PRUNE1: variants seen among roughly 807,000 people sequenced by gnomAD.
PRUNE1 encodes prune exopolyphosphatase 1.
Under a neutral mutation model 42.5 loss-of-function variants are expected in PRUNE1, and 25 were observed. That is an observed-to-expected ratio of 0.59 (90% CI 0.43 to 0.82). PRUNE1 has a LOEUF of 0.82. Ranked by LOEUF, PRUNE1 falls within the 40% of genes least tolerant of loss-of-function variation. The pLI, the probability that PRUNE1 is intolerant of heterozygous loss-of-function variation, is 0.00. For missense variants in PRUNE1, 443 were observed against 539.3 expected (o/e 0.82, Z 1.77); for synonymous variants, 203 against 217.1 (o/e 0.93, Z 0.57).
chr1:151,031,484 G>T (rs1333162877), intron 7 of PRUNE1, among the ~76,000 whole-genome samples: 4 of 152,220 alleles, frequency 2.6e-5, no homozygotes, highest in South Asian at 2.1e-4. Context: ...ACTATGCCCA[G>T]CCAGGAGTCC....
At chr1:151,027,746 TA>T (rs2102934074) in intron 6 of PRUNE1, among the ~76,000 whole-genome samples, 2 of 104,030 alleles carry the variant, frequency 1.9e-5, no homozygotes, top group South Asian at 9.5e-4. Flanking sequence ...CACACCTAAC[TA>T]GTGTGTGTGT....
In PRUNE1 at chr1:151,019,424, T is replaced by C. The variant is rs1452635909; in HGVS notation, c.335+755T>C. Among the ~76,000 whole-genome samples, 4 of 151,668 alleles carry C rather than the reference T, an allele frequency of 2.6e-5. No individual in the cohort carries two copies. In the East Asian group the frequency reaches 5.8e-4, roughly 22 times the overall value. ...AATTTTTAAAAATTAGGCACGGTGG[T>C]GCATGCCTATGGTCCCAGCTACTCG... is the stretch of plus-strand genomic sequence containing the variant. On this transcript the variant is annotated intron_variant, in intron 3 of 7. Transcript: ENST00000271620.
chr1:151,012,304 C>G (rs1673818701), intron 1 of PRUNE1, among the ~76,000 whole-genome samples: 1 of 152,058 alleles, frequency 6.6e-6, no homozygotes, highest in Non-Finnish European at 1.5e-5. Context: ...ACATGTTTTT[C>G]TTAAATAAAG....
intron 3 of PRUNE1, among the ~76,000 whole-genome samples, chr1:151,019,702 A>G (rs1427427614): frequency 4.6e-5 from 7 of 151,892 alleles, no homozygotes; most frequent in African/African-American, 1.7e-4. Context: ...GGGTCTTGCT[A>G]TATTGCCCAG....
In PRUNE1 at chr1:151,034,111, C is replaced by T; in HGVS notation, c.1239C>T (p.Asn413=). The T allele has an allele frequency of 6.2e-7, 1 of 1,614,208 alleles. No homozygotes were observed. The highest frequency in any genetic ancestry group is 8.5e-7 in the Non-Finnish European group (1 of 1,180,044). Residue 413 remains asparagine, a synonymous_variant, in exon 8 of 8, where the codon AAC becomes AAT. Coordinates refer to ENST00000271620, the MANE Select transcript of PRUNE1 (RefSeq NM_021222.3). ...EDPPLPPTPM[N]SLVDECPLDQ... is the part of the protein sequence containing the mutation. ...CTCCGCTGCCCCCGACGCCCATGAA[C>T]AGCTTGGTGGATGAGTGCCCTCTAG...
intron 6 of PRUNE1, among the ~76,000 whole-genome samples, chr1:151,027,781 T>TGTGTGTGTGCGC (rs764369341): frequency 1.3e-4 from 19 of 142,602 alleles, no homozygotes; most frequent in African/African-American, 5.0e-4. Context: ...TGTGTGTGTG[T>TGTGTGTGTGCGC]GCGCGCGCGT....
At chr1:151,014,445 A>G (rs917250094) in intron 1 of PRUNE1, among the ~76,000 whole-genome samples, 2 of 152,184 alleles carry the variant, frequency 1.3e-5, no homozygotes, top group Non-Finnish European at 2.9e-5. Flanking sequence ...TTTAAAAACA[A>G]AAACCTATCT....
At chr1:151,015,721 C>T (rs1674068413) in intron 1 of PRUNE1, among the ~76,000 whole-genome samples, 1 of 151,118 alleles carries the variant, frequency 6.6e-6, no homozygotes, top group Non-Finnish European at 1.5e-5. Flanking sequence ...GGAGGATCAC[C>T]TGAGTCTGGG....
intron 2 of PRUNE1, among the ~76,000 whole-genome samples, chr1:151,018,127 A>T (rs1196296895): frequency 6.6e-6 from 1 of 152,214 alleles, no homozygotes; most frequent in African/African-American, 2.4e-5. Context: ...TGTAAACCAT[A>T]AAGCAATATT....
intron 2 of PRUNE1, chr1:151,018,212 A>C (rs1471441819): frequency 4.4e-6 from 3 of 678,494 alleles, no homozygotes; most frequent in Non-Finnish European, 5.3e-6. Context: ...TTAGTTCTTG[A>C]GGACTAAAAA....
At chr1:151,027,747 A>T (rs1011410396) in intron 6 of PRUNE1, among the ~76,000 whole-genome samples, 11 of 130,866 alleles carry the variant, frequency 8.4e-5, no homozygotes, top group African/African-American at 1.6e-4. Flanking sequence ...ACACCTAACT[A>T]GTGTGTGTGT....
intron 7 of PRUNE1, 53 bp from the exon 8 acceptor site, chr1:151,033,753 C>G (rs971891879): frequency 6.6e-7 from 1 of 1,523,508 alleles, no homozygotes; most frequent in South Asian, 1.2e-5. Flanking sequence ...AGAAGCCCAG[C>G]ACTTTGCTAC....
rs1450773436 is a variant in PRUNE1 at position 151,033,842 on chromosome 1, C to T, written c.970C>T (p.Leu324=). The T allele has an allele frequency of 5.6e-6, 9 of 1,613,976 alleles. No individual in the cohort carries two copies. The highest frequency in any genetic ancestry group is 1.3e-5 in the African/African-American group (1 of 74,906). Residue 324 remains leucine (L), a synonymous_variant, in exon 8 of 8, where the codon CTG becomes TTG. Transcript: ENST00000271620. ...CCTGGAACGCTCCCACTCTCCACCC[C>T]TGAAGCTGACCCCTGCCTCAAGTAC... The part of the protein sequence containing the change: ...EVLERSHSPP[L]KLTPASSTHP...
intron 4 of PRUNE1, 71 bp downstream of exon 4, chr1:151,024,866 C>G (rs146875543): frequency 4.8e-6 from 7 of 1,468,596 alleles, no homozygotes; most frequent in Non-Finnish European, 6.5e-6. Flanking sequence ...GTGGAAAAGT[C>G]TAGACGCTTC....
chr1:151,034,515 T>G lies in PRUNE1; in HGVS notation c.*281T>G. On this transcript the variant is annotated 3_prime_UTR_variant, in exon 8 of 8. Transcript: ENST00000271620. ...GGGGCACGATGTGACATATCTGCAG[T>G]CCCAGCACAGTGGGACAAAAAGAAT... is the stretch of plus-strand genomic sequence containing the variant. 1.3e-5 allele frequency: 5 copies of G among 381,696 alleles called. No homozygotes were observed. The highest frequency in any genetic ancestry group is 1.5e-5 in the Non-Finnish European group (3 of 206,102). 23.6% of individuals were successfully genotyped at this position (381,696 alleles called of 1,614,324 possible). A position where few individuals can be genotyped will look rare whatever the true frequency, so the allele number is the denominator to read the frequency against.
At position 151,025,649 on chromosome 1, in the gene PRUNE1, C is replaced by T; in HGVS notation, c.655C>T (p.Gln219Ter). The T allele has an allele frequency of 1.9e-6, 3 of 1,613,552 alleles. No individual in the cohort carries two copies. Among genetic ancestry groups the T allele is most frequent in the Non-Finnish European group, 2.5e-6 (3 of 1,179,734 alleles). Residue 219 changes from glutamine to a stop codon, truncating the protein, a stop_gained, in exon 5 of 8, where the codon CAA (glutamine) becomes TAA (stop). Coordinates refer to ENST00000271620, the MANE Select transcript of PRUNE1 (RefSeq NM_021222.3). LOFTEE classifies it high-confidence loss of function. ...GAGAAATGATATATTTGATTCCCTA[C>T]AAAAGGCAAAGTTTGATGTATCAGG... ...PKRNDIFDSLQKAKFDVSGLT... is the reference protein window; with the variant it reads ...PKRNDIFDSL
rs1675466551 is a variant in PRUNE1, at chr1:151,034,943, G to A, written c.*709G>A. On this transcript the variant is annotated 3_prime_UTR_variant, in exon 8 of 8. Coordinates refer to ENST00000271620, the MANE Select transcript of PRUNE1 (RefSeq NM_021222.3). Reference sequence around the variant, plus strand: ...AGAGCCACCCAGAACCCTGACTCTTGAGAATCAAGAAAACACCCAGAAAGG... The same window carrying A: ...AGAGCCACCCAGAACCCTGACTCTTAAGAATCAAGAAAACACCCAGAAAGG... 1 of 152,234 alleles carries A rather than the reference G, an allele frequency of 6.6e-6. No homozygotes were observed. The highest frequency in any genetic ancestry group is 2.4e-5 in the African/African-American group (1 of 41,428). The allele number at this position is 152,234 out of a possible 1,614,324, so 9.4% of individuals were successfully genotyped here. A position where few individuals can be genotyped will look rare whatever the true frequency, so the allele number is the denominator to read the frequency against.
In PRUNE1 at chr1:151,031,191, G is replaced by GTTT. The variant is rs375087001; in HGVS notation, c.933+2248_933+2249insTTT. Among the ~76,000 whole-genome samples the GTTT allele has an allele frequency of 1.9e-4, 24 of 124,786 alleles. 1 individual carries two copies. The highest frequency in any genetic ancestry group is 3.8e-4 in the African/African-American group (12 of 31,368). 81.9% of individuals were successfully genotyped at this position (124,786 alleles called of 152,430 possible). ...GTTTTGTTTTTGTGTGTGTGTGTGT[G>GTTT]TGTTTTTTTTTTTTTTTGAGATGTC... On this transcript the variant is annotated intron_variant, in intron 7 of 7. Coordinates refer to ENST00000271620, the MANE Select transcript of PRUNE1 (RefSeq NM_021222.3).
At chr1:151,018,199 A>G (rs982088004) in intron 2 of PRUNE1, among the ~76,000 whole-genome samples, 1 of 152,164 alleles carries the variant, frequency 6.6e-6, no homozygotes, top group African/African-American at 2.4e-5. Flanking sequence ...TCCTCTGCCC[A>G]GGTTAGTTCT....
Sources: allele counts gnomAD v4.1 joint callset (sites outside exome capture counted in the v4.1 genomes callset), GRCh38; gene constraint gnomAD v4.1.1; transcripts MANE v1.5; gene names NCBI Gene and HGNC (gene_info 2026-07-23, HGNC 2026-07-21).